Variants in NPAS3 observed in about 807,000 individuals in gnomAD.
The protein encoded by NPAS3 is neuronal PAS domain protein 3, also known as neuronal PAS domain-containing protein 3.
Under a neutral mutation model 73.1 loss-of-function variants are expected in NPAS3, and 14 were observed. The ratio of observed to expected loss-of-function variants is 0.19; its 90% confidence interval spans 0.13 to 0.30. The LOEUF (loss-of-function observed/expected upper bound fraction) is 0.30. Ranked by LOEUF, NPAS3 falls within the 10% of genes least tolerant of loss-of-function variation. The probability of loss-of-function intolerance (pLI) is 1.00; values close to 1 mark genes in which losing one functional copy is unlikely to be tolerated. For missense variants in NPAS3, 1,096 were observed against 1,250.0 expected (o/e 0.88, Z 1.86); for synonymous variants, 620 against 541.5 (o/e 1.14, Z -2.01).
chr14:33,000,426 G>A (rs1595191759), intron 1 of NPAS3, among the ~76,000 whole-genome samples: 1 of 152,178 alleles, frequency 6.6e-6, no homozygotes, highest in East Asian at 1.9e-4. Context: ...ACTCCCTGAT[G>A]TGCTGGATAA....
At chr14:32,984,327 T>A (rs1313796473) in intron 1 of NPAS3, among the ~76,000 whole-genome samples, 1 of 152,218 alleles carries the variant, frequency 6.6e-6, no homozygotes, top group Non-Finnish European at 1.5e-5. Context: ...AGCAATGTGC[T>A]TATATAAATC....
rs1266651283 is a variant in NPAS3, at chr14:33,621,979, G to T, written c.559-54232G>T. On this transcript the variant is annotated intron_variant, in intron 5 of 11. Transcript: ENST00000356141. The stretch of plus-strand genomic sequence containing the variant: ...AGAAAAGAAACAAAGAGCCAGAAAG[G>T]TCCAGTGTCAGAATTTAAAATAGGT... Among the ~76,000 whole-genome samples the T allele has an allele frequency of 2.0e-5, 3 of 152,128 alleles. No individual in the cohort carries two copies. In the South Asian group the frequency reaches 6.2e-4, roughly 32 times the overall value.
At chr14:33,366,435 C>G (rs1039198203) in intron 3 of NPAS3, among the ~76,000 whole-genome samples, 1 of 152,060 alleles carries the variant, frequency 6.6e-6, no homozygotes, top group Admixed American at 6.5e-5. Flanking sequence ...TGGTAGGCAC[C>G]TGCAGGCAAA....
chr14:33,126,264 CAGTA>C (rs1001789387), intron 2 of NPAS3, among the ~76,000 whole-genome samples: 1 of 152,184 alleles, frequency 6.6e-6, no homozygotes, highest in Non-Finnish European at 1.5e-5. Flanking sequence ...AAAGACTAAA[CAGTA>C]AGTGGTAAAC....
intron 6 of NPAS3, among the ~76,000 whole-genome samples, chr14:33,684,920 C>T (rs572721738): frequency 1.3e-5 from 2 of 152,208 alleles, no homozygotes; most frequent in Non-Finnish European, 2.9e-5. Flanking sequence ...CTGGAGGGAT[C>T]TGCTCATGAA....
intron 4 of NPAS3, among the ~76,000 whole-genome samples, chr14:33,384,347 A>T (rs2138496008): frequency 6.6e-6 from 1 of 152,084 alleles, no homozygotes; most frequent in African/African-American, 2.4e-5. Flanking sequence ...AGATTAAATC[A>T]TTTTAAAGTA....
Position 33,202,793 on chromosome 14 carries a change from G to A in NPAS3, c.141-12389G>A, listed in dbSNP as rs918344747. On this transcript the variant is annotated intron_variant, in intron 2 of 11. Transcript: ENST00000356141. ...GGTTCTGAAGTAATCATGGAAAGATGGTATCATTAGTCTGCATTATTTCAA... is the reference window on the plus strand; with the variant it reads ...GGTTCTGAAGTAATCATGGAAAGATAGTATCATTAGTCTGCATTATTTCAA... Among the ~76,000 whole-genome samples the A allele has an allele frequency of 1.5e-4, 23 of 151,050 alleles. No individual in the cohort carries two copies. In the East Asian group the frequency reaches 4.1e-3, roughly 27 times the overall value.
At chr14:33,321,565 G>A (rs888632014) in intron 3 of NPAS3, among the ~76,000 whole-genome samples, 1 of 151,936 alleles carries the variant, frequency 6.6e-6, no homozygotes, top group African/African-American at 2.4e-5. Context: ...GGGATTTGGA[G>A]CCAAACTGCC....
At chr14:33,591,874 C>A (rs2057079872) in intron 5 of NPAS3, among the ~76,000 whole-genome samples, 1 of 152,088 alleles carries the variant, frequency 6.6e-6, no homozygotes, top group African/African-American at 2.4e-5. Flanking sequence ...AATCTGTGGC[C>A]CAGTTGCTTA....
chr14:33,339,528 A>G (rs1054639381), intron 3 of NPAS3, among the ~76,000 whole-genome samples: 3 of 152,252 alleles, frequency 2.0e-5, no homozygotes, highest in Non-Finnish European at 4.4e-5. Flanking sequence ...CATAGTCTAT[A>G]TACTCTGGTC....
At chr14:32,979,599 G>A (rs1401431512) in intron 1 of NPAS3, among the ~76,000 whole-genome samples, 2 of 151,998 alleles carry the variant, frequency 1.3e-5, no homozygotes, top group Non-Finnish European at 2.9e-5. Context: ...CACATATGTG[G>A]GCCATGATTG....
chr14:33,090,996 C>A (rs962419799), intron 2 of NPAS3, among the ~76,000 whole-genome samples: 5 of 152,056 alleles, frequency 3.3e-5, no homozygotes, highest in African/African-American at 1.2e-4. Flanking sequence ...AGCTGTGTGT[C>A]GACGGAAATT....
chr14:33,055,802 T>G, intron 1 of NPAS3, 103 bp from the exon 2 acceptor site: 5 of 574,376 alleles, frequency 8.7e-6, no homozygotes, highest in Admixed American at 2.5e-5. Flanking sequence ...CTCAAAAGCG[T>G]AAAAAGCAAA....
At chr14:33,275,842 A>C (rs980409688) in intron 3 of NPAS3, among the ~76,000 whole-genome samples, 8 of 152,220 alleles carry the variant, frequency 5.3e-5, no homozygotes, top group African/African-American at 1.9e-4. Flanking sequence ...ATAATTTCAC[A>C]AATCTAATTT....
intron 1 of NPAS3, among the ~76,000 whole-genome samples, chr14:33,016,378 G>C (rs915396559): frequency 3.3e-5 from 5 of 149,320 alleles, no homozygotes; most frequent in Non-Finnish European, 5.9e-5. Flanking sequence ...AGACTGCGTG[G>C]TATTTAGTGG....
intron 4 of NPAS3, among the ~76,000 whole-genome samples, chr14:33,441,266 TTAA>T (rs1199868881): frequency 6.6e-6 from 1 of 152,270 alleles, no homozygotes; most frequent in Non-Finnish European, 1.5e-5. Flanking sequence ...ATTAGTATTA[TTAA>T]TTACATCACC....
chr14:33,726,428 G>C (rs191571301), intron 6 of NPAS3, among the ~76,000 whole-genome samples: 6 of 152,246 alleles, frequency 3.9e-5, no homozygotes, highest in Admixed American at 2.0e-4. Flanking sequence ...ATAGCTTTCT[G>C]TAAAGCCTTT....
intron 2 of NPAS3, among the ~76,000 whole-genome samples, chr14:33,072,436 C>T (rs2041517684): frequency 6.6e-6 from 1 of 152,114 alleles, no homozygotes; most frequent in Non-Finnish European, 1.5e-5. Flanking sequence ...ACACGAAAAA[C>T]ATAAACATGA....
intron 2 of NPAS3, among the ~76,000 whole-genome samples, chr14:33,179,832 T>G (rs1470235389): frequency 6.6e-6 from 1 of 152,244 alleles, no homozygotes; most frequent in Non-Finnish European, 1.5e-5. Context: ...TTTTAAATTC[T>G]AAATGCACAT....
Sources: allele counts gnomAD v4.1 joint callset (sites outside exome capture counted in the v4.1 genomes callset), GRCh38; gene constraint gnomAD v4.1.1; transcripts MANE v1.5; gene names NCBI Gene and HGNC (gene_info 2026-07-23, HGNC 2026-07-21).